CTNNA3: variants seen among roughly 807,000 people sequenced by gnomAD.
CTNNA3 encodes the protein catenin alpha 3.
A neutral mutation model predicts 95.7 loss-of-function variants in CTNNA3; 76 were observed. That is an observed-to-expected ratio of 0.79 (90% CI 0.66 to 0.96). The LOEUF is 0.96. Ranked by LOEUF, CTNNA3 falls within the 40% of genes least tolerant of loss-of-function variation. The pLI, the probability that CTNNA3 is intolerant of heterozygous loss-of-function variation, is 0.00. For missense variants in CTNNA3, 1,191 were observed against 1,089.8 expected (o/e 1.09, Z -1.31); for synonymous variants, 431 against 374.4 (o/e 1.15, Z -1.74).
intron 11 of CTNNA3, among the ~76,000 whole-genome samples, chr10:66,426,081 G>T (rs1162901316): frequency 6.6e-6 from 1 of 151,824 alleles, no homozygotes; most frequent in East Asian, 1.9e-4. Context: ...TCATTGTTTT[G>T]TAGTATTCCA....
chr10:66,094,072 A>G (rs1454496805), intron 14 of CTNNA3, among the ~76,000 whole-genome samples: 2 of 152,114 alleles, frequency 1.3e-5, no homozygotes, highest in African/African-American at 4.8e-5. Flanking sequence ...ATGTAATGGA[A>G]GATTATTGGA....
At chr10:66,848,480 C>A (rs1387361006) in intron 7 of CTNNA3, among the ~76,000 whole-genome samples, 1 of 152,108 alleles carries the variant, frequency 6.6e-6, no homozygotes, top group Admixed American at 6.6e-5. Flanking sequence ...GAATCAGAGA[C>A]ATGACCTAAT....
chr10:67,574,018 C>A (rs1273519978), intron 3 of CTNNA3, among the ~76,000 whole-genome samples: 1 of 152,116 alleles, frequency 6.6e-6, no homozygotes, highest in Non-Finnish European at 1.5e-5. Flanking sequence ...TGATAATTTT[C>A]CAGGAGTTGA....
At position 66,812,711 on chromosome 10, in the gene CTNNA3, C is replaced by T. The variant is rs546432421; in HGVS notation, c.1048-37187G>A. On this transcript the variant is annotated intron_variant, in intron 7 of 17. Transcript: ENST00000433211. ...ATTATTAAGGAGCTTATATTTCCAA[C>T]TTGCTATCTCAGGAAAGTCCTTTTA... Among the ~76,000 whole-genome samples, 252 of 152,226 alleles carry T rather than the reference C, an allele frequency of 1.7e-3. 3 individuals are homozygous for T. The highest frequency in any genetic ancestry group is 0.015 in the South Asian group (70 of 4,822).
At chr10:67,200,542 A>G (rs1026982617) in intron 6 of CTNNA3, among the ~76,000 whole-genome samples, 1 of 152,130 alleles carries the variant, frequency 6.6e-6, no homozygotes, top group African/African-American at 2.4e-5. Flanking sequence ...GCCTGCCTGA[A>G]TGAGGTAAAG....
rs190411362 is a variant in CTNNA3 at position 67,267,290 on chromosome 10, G to A, written c.580-47420C>T. 3.9e-3 allele frequency among the ~76,000 whole-genome samples: 596 copies of A among 152,252 alleles called. 2 individuals carry two copies. The highest frequency in any genetic ancestry group is 6.6e-3 in the Non-Finnish European group (450 of 68,018). On this transcript the variant is annotated intron_variant, in intron 5 of 17. Coordinates refer to ENST00000433211, the MANE Select transcript of CTNNA3 (RefSeq NM_013266.4). Reference sequence around the variant, plus strand: ...TTCATACTGGCTGAAATAAAAACACGAAATTACTGAAAGGATAGGAAGAAG... The same window carrying A: ...TTCATACTGGCTGAAATAAAAACACAAAATTACTGAAAGGATAGGAAGAAG...
chr10:67,727,968 G>T (rs1183179555), intron 1 of CTNNA3, among the ~76,000 whole-genome samples: 2 of 131,242 alleles, frequency 1.5e-5, no homozygotes, highest in East Asian at 2.0e-4. Context: ...ATATATAATA[G>T]ATGACACATA....
chr10:67,686,545 C>CGGTT (rs1461569468), intron 1 of CTNNA3, among the ~76,000 whole-genome samples: 1 of 152,000 alleles, frequency 6.6e-6, no homozygotes, highest in Non-Finnish European at 1.5e-5. Context: ...TCTAAGCAGG[C>CGGTT]GGTTGTCTGA....
chr10:66,147,608 G>GTTTTTTTTTTTT (rs34193216), intron 13 of CTNNA3, among the ~76,000 whole-genome samples: 5 of 105,762 alleles, frequency 4.7e-5, no homozygotes, highest in Non-Finnish European at 5.6e-5. Context: ...GTTGCTTTCA[G>GTTTTTTTTTTTT]TTTTTTTTTT....
intron 13 of CTNNA3, among the ~76,000 whole-genome samples, chr10:66,229,182 T>C (rs560318131): frequency 6.6e-6 from 1 of 152,328 alleles, no homozygotes; most frequent in Non-Finnish European, 1.5e-5. Flanking sequence ...TTGTTAATTG[T>C]TTACTGGTTG....
chr10:66,106,516 T>C (rs950898750), intron 13 of CTNNA3, among the ~76,000 whole-genome samples: 2 of 152,110 alleles, frequency 1.3e-5, no homozygotes, highest in African/African-American at 4.8e-5. Flanking sequence ...GCAATATGTG[T>C]TCTCTTTTAA....
chr10:66,942,405 T>C (rs1012728665), intron 7 of CTNNA3, among the ~76,000 whole-genome samples: 5 of 152,210 alleles, frequency 3.3e-5, no homozygotes, highest in African/African-American at 1.2e-4. Context: ...TCTGTAACAA[T>C]GTTGTTCAGC....
At chr10:66,649,000 AG>A (rs1420269201) in intron 9 of CTNNA3, among the ~76,000 whole-genome samples, 1 of 152,150 alleles carries the variant, frequency 6.6e-6, no homozygotes, top group Non-Finnish European at 1.5e-5. Flanking sequence ...CAGAATTTAA[AG>A]GAACGCTAAC....
At chr10:66,895,068 A>AG (rs1845426378) in intron 7 of CTNNA3, among the ~76,000 whole-genome samples, 1 of 150,406 alleles carries the variant, frequency 6.6e-6, no homozygotes, top group African/African-American at 2.4e-5. Flanking sequence ...AAAAAAAAAA[A>AG]AAAAGAAAGT....
At chr10:67,719,338 C>T (rs1435110673) in intron 1 of CTNNA3, among the ~76,000 whole-genome samples, 1 of 151,726 alleles carries the variant, frequency 6.6e-6, no homozygotes, top group East Asian at 1.9e-4. Flanking sequence ...TTGTCTTCTG[C>T]TAGCTTTTGA....
intron 14 of CTNNA3, among the ~76,000 whole-genome samples, chr10:66,089,382 C>T (rs1277125709): frequency 6.6e-6 from 1 of 151,304 alleles, no homozygotes; most frequent in African/African-American, 2.4e-5. Context: ...TTCCTTCCAT[C>T]CTTCCTTCTT....
chr10:66,446,076 G>T (rs1332792241), intron 11 of CTNNA3, among the ~76,000 whole-genome samples: 2 of 152,158 alleles, frequency 1.3e-5, no homozygotes, highest in African/African-American at 2.4e-5. Context: ...AAATCTAGAA[G>T]AAATGGATAA....
intron 11 of CTNNA3, among the ~76,000 whole-genome samples, chr10:66,465,784 C>T (rs1838888438): frequency 6.6e-6 from 1 of 152,090 alleles, no homozygotes; most frequent in Non-Finnish European, 1.5e-5. Context: ...TTTGTTCAAT[C>T]TGCACATGGT....
intron 7 of CTNNA3, among the ~76,000 whole-genome samples, chr10:66,859,054 T>G (rs72802682): frequency 1.9e-4 from 29 of 152,208 alleles, no homozygotes; most frequent in Non-Finnish European, 2.8e-4. Flanking sequence ...GATGCATCAA[T>G]CATTGTTATG....
Sources: allele counts gnomAD v4.1 joint callset (sites outside exome capture counted in the v4.1 genomes callset), GRCh38; gene constraint gnomAD v4.1.1; transcripts MANE v1.5; gene names NCBI Gene and HGNC (gene_info 2026-07-23, HGNC 2026-07-21).